ADD3: variants seen among roughly 807,000 people sequenced by gnomAD.
ADD3 encodes the protein adducin 3.
A neutral mutation model predicts 80.2 loss-of-function variants in ADD3; 25 were observed. The observed-to-expected ratio is 0.31, with a 90% CI of 0.23 to 0.44. The LOEUF (loss-of-function observed/expected upper bound fraction) is 0.44. Among genes scored for constraint, ADD3 ranks in the 20% least tolerant of loss-of-function variants. ADD3 has a pLI of 1.00. For synonymous variants in ADD3, 284 were observed against 289.6 expected, an observed-to-expected ratio of 0.98 and a Z score of 0.20; for missense variants, 829 against 847.5, an observed-to-expected ratio of 0.98 and a Z score of 0.27.
intron 2 of ADD3, among the ~76,000 whole-genome samples, chr10:110,103,288 A>G (rs988410546): frequency 1.3e-5 from 2 of 152,232 alleles, no homozygotes; most frequent in African/African-American, 4.8e-5. Flanking sequence ...ACAAGCATTC[A>G]TTATCTCACC....
At chr10:110,079,944 A>T (rs12249045) in intron 1 of ADD3, among the ~76,000 whole-genome samples, 18,935 of 152,180 alleles carry the variant, frequency 0.12, 3,770 homozygotes, top group African/African-American at 0.42. Flanking sequence ...TTTCCAAGTT[A>T]GTTCCCATCC....
At chr10:110,034,161 T>C (rs1458297581) in intron 1 of ADD3, among the ~76,000 whole-genome samples, 1 of 152,158 alleles carries the variant, frequency 6.6e-6, no homozygotes, top group African/African-American at 2.4e-5. Flanking sequence ...AACAAATCTC[T>C]AGAGTTTATT....
At chr10:110,091,416 T>G (rs1847494198) in intron 1 of ADD3, among the ~76,000 whole-genome samples, 1 of 152,226 alleles carries the variant, frequency 6.6e-6, no homozygotes, top group Non-Finnish European at 1.5e-5. Context: ...AACAGCCTGG[T>G]ACTGGTTCAA....
At chr10:110,098,054 C>T (rs1279041456) in intron 1 of ADD3, among the ~76,000 whole-genome samples, 1 of 152,180 alleles carries the variant, frequency 6.6e-6, no homozygotes, top group Non-Finnish European at 1.5e-5. Context: ...GGATTACAGG[C>T]ATAAGCTACC....
chr10:110,056,866 T>C (rs986852498), intron 1 of ADD3, among the ~76,000 whole-genome samples: 5 of 152,192 alleles, frequency 3.3e-5, no homozygotes, highest in Non-Finnish European at 7.4e-5. Context: ...AAAAACCCTT[T>C]CTTTTTATTG....
intron 1 of ADD3, among the ~76,000 whole-genome samples, chr10:110,040,777 G>A (rs951148943): frequency 6.6e-6 from 1 of 152,094 alleles, no homozygotes; most frequent in Non-Finnish European, 1.5e-5. Flanking sequence ...CAGTGGACTC[G>A]GATAGAGAGG....
At chr10:110,106,303 G>GTT (rs574693679) in intron 2 of ADD3, among the ~76,000 whole-genome samples, 4 of 144,344 alleles carry the variant, frequency 2.8e-5, no homozygotes, top group African/African-American at 7.6e-5. Context: ...CCAACATGGA[G>GTT]TTTTTTTTTT....
At chr10:110,091,654 T>TA (rs1847529684) in intron 1 of ADD3, among the ~76,000 whole-genome samples, 1 of 152,146 alleles carries the variant, frequency 6.6e-6, no homozygotes, top group South Asian at 2.1e-4. Flanking sequence ...ATCAAAGACT[T>TA]ACATGTGAGA....
intron 1 of ADD3, among the ~76,000 whole-genome samples, chr10:110,017,097 A>G (rs1853096409): frequency 6.6e-6 from 1 of 152,244 alleles, no homozygotes; most frequent in Non-Finnish European, 1.5e-5. Context: ...TTAGTGAAGT[A>G]ACTTGCCCAA....
At chr10:110,064,850 T>C (rs1185400325) in intron 1 of ADD3, among the ~76,000 whole-genome samples, 1 of 152,144 alleles carries the variant, frequency 6.6e-6, no homozygotes, top group Admixed American at 6.5e-5. Flanking sequence ...TTTTTAAAAC[T>C]GCATGTTTCC....
Position 110,132,290 on chromosome 10 carries a change from A to T in ADD3, c.1733-15A>T, listed in dbSNP as rs747777057. ...TTTGTTTTGCATGGCTTTTAACTAA[A>T]CTCTTATCCAACAGATGCTGAGCAG... On this transcript the variant is annotated splice_polypyrimidine_tract_variant and intron_variant, in intron 13 of 14. Coordinates refer to ENST00000356080, the MANE Select transcript of ADD3 (RefSeq NM_016824.5). 1 of 1,598,590 alleles carries T rather than the reference A, an allele frequency of 6.3e-7. No homozygotes were observed. The highest frequency in any genetic ancestry group is 2.2e-5 in the East Asian group (1 of 44,768).
chr10:110,102,423 A>G (rs1467054194), intron 2 of ADD3, among the ~76,000 whole-genome samples: 1 of 152,146 alleles, frequency 6.6e-6, no homozygotes, highest in Non-Finnish European at 1.5e-5. Flanking sequence ...AGCCTGGGCA[A>G]CATAGTGAGA....
At chr10:110,124,347 A>G (rs985570192) in intron 10 of ADD3, 73 bp downstream of exon 10, 39 of 1,496,010 alleles carry the variant, frequency 2.6e-5, no homozygotes, top group Non-Finnish European at 3.4e-5. Flanking sequence ...AATGTTCTAT[A>G]TTGAAAATAT....
chr10:110,075,417 A>G (rs759874429), intron 1 of ADD3, among the ~76,000 whole-genome samples: 3 of 151,638 alleles, frequency 2.0e-5, no homozygotes, highest in Non-Finnish European at 2.9e-5. Context: ...TGTCTCTTCA[A>G]CTCTGTGTGA....
intron 1 of ADD3, among the ~76,000 whole-genome samples, chr10:110,098,793 C>T (rs1848470484): frequency 6.6e-6 from 1 of 152,086 alleles, no homozygotes; most frequent in African/African-American, 2.4e-5. Flanking sequence ...CCACGCCCAA[C>T]TAATTTTTTG....
intron 8 of ADD3, chr10:110,119,790 A>G (rs961903809): frequency 2.4e-6 from 1 of 422,030 alleles, no homozygotes; most frequent in Non-Finnish European, 4.2e-6. Context: ...CCTCATAAAC[A>G]TCATTTTCCC....
At chr10:110,073,566 A>G (rs1389693699) in intron 1 of ADD3, among the ~76,000 whole-genome samples, 4 of 152,226 alleles carry the variant, frequency 2.6e-5, no homozygotes, top group Non-Finnish European at 5.9e-5. Context: ...TGGCACTTTA[A>G]CTGCTGAGCA....
upstream of ADD3, among the ~76,000 whole-genome samples, chr10:110,005,593 TATTAA>T (rs752618535): frequency 3.3e-5 from 5 of 152,238 alleles, no homozygotes; most frequent in African/African-American, 4.8e-5. Context: ...TTAGCACAAA[TATTAA>T]ATTAAATTAA....
intron 3 of ADD3, among the ~76,000 whole-genome samples, chr10:110,115,544 TG>T (rs747238860): frequency 6.6e-6 from 1 of 151,932 alleles, no homozygotes; most frequent in Non-Finnish European, 1.5e-5. Flanking sequence ...AAGAACATAG[TG>T]GAGGACTGAG....
Sources: gnomAD v4.1 joint callset for allele counts (sites outside exome capture counted in the v4.1 genomes callset) on GRCh38, gnomAD v4.1.1 for gene constraint, MANE v1.5 for transcripts, NCBI Gene and HGNC (gene_info 2026-07-23, HGNC 2026-07-21) for gene names.